The following ARHGEF12 variants were observed in gnomAD, a reference collection of about 807,000 sequenced individuals.
The protein encoded by ARHGEF12 is Rho guanine nucleotide exchange factor 12.
In ARHGEF12, 66 loss-of-function variants were observed where a neutral mutation model predicts 211.2. The ratio of observed to expected loss-of-function variants is 0.31; its 90% CI spans 0.26 to 0.38. ARHGEF12 has a LOEUF of 0.38. ARHGEF12 is among the 10% of genes least tolerant of loss of function. ARHGEF12 has a pLI of 1.00. For missense variants in ARHGEF12, 1,429 were observed against 1,869.5 expected (o/e 0.76, Z 4.34); for synonymous variants, 592 against 638.4 (o/e 0.93, Z 1.09).
chr11:120,441,845 C>G (rs374946774), intron 14 of ARHGEF12, 28 bp downstream of exon 14: 16 of 1,589,422 alleles, frequency 1.0e-5, no homozygotes, highest in Non-Finnish European at 1.4e-5. Context: ...CTAGCAGATT[C>G]AGAGTTCTTC....
At chr11:120,478,012 C>G in intron 36 of ARHGEF12, 144 bp from the exon 37 acceptor site, 1 of 635,532 alleles carries the variant, frequency 1.6e-6, no homozygotes, top group Non-Finnish European at 2.7e-6. Flanking sequence ...TAACACTGTT[C>G]TAAGTGATGT....
chr11:120,338,235 G>A (rs1942417344), intron 1 of ARHGEF12, among the ~76,000 whole-genome samples: 1 of 152,144 alleles, frequency 6.6e-6, no homozygotes, highest in Non-Finnish European at 1.5e-5. Flanking sequence ...ATTACACCGT[G>A]AAAAAATAGA....
intron 22 of ARHGEF12, among the ~76,000 whole-genome samples, chr11:120,455,823 A>G (rs989945755): frequency 3.3e-5 from 5 of 152,238 alleles, no homozygotes; most frequent in East Asian, 3.8e-4. Context: ...ATAGAATTAT[A>G]TAACTTTGAC....
intron 1 of ARHGEF12, among the ~76,000 whole-genome samples, chr11:120,402,280 C>T (rs922751129): frequency 1.3e-5 from 2 of 152,142 alleles, no homozygotes; most frequent in East Asian, 1.9e-4. Flanking sequence ...ATAGTTTCTG[C>T]ACTGATATTT....
intron 14 of ARHGEF12, 40 bp downstream of exon 14, chr11:120,441,857 G>C: frequency 6.4e-7 from 1 of 1,558,644 alleles, no homozygotes; most frequent in African/African-American, 1.4e-5. Context: ...GAGTTCTTCT[G>C]TTGATTCATG....
chr11:120,443,162 C>T (rs1945934905), intron 15 of ARHGEF12, among the ~76,000 whole-genome samples: 2 of 151,942 alleles, frequency 1.3e-5, no homozygotes, highest in African/African-American at 2.4e-5. Flanking sequence ...GCTGGGACTA[C>T]AGGTGTACAC....
rs1038256545 is a variant in ARHGEF12, at chr11:120,488,662, A to G, written c.*3585A>G. 3 of 221,142 alleles carry G rather than the reference A, an allele frequency of 1.4e-5. No homozygotes were observed. The highest frequency in any genetic ancestry group is 6.7e-5 in the African/African-American group (3 of 44,688). The allele number at this position is 221,142 out of a possible 1,614,324, so 13.7% of individuals were successfully genotyped here. ...ACTGCTAAGCAGATATATTCCAAAA[A>G]TGGTAACTGTCATGTGCACACTGTT... On this transcript the variant is annotated 3_prime_UTR_variant, in exon 41 of 41. Transcript: ENST00000397843.
chr11:120,371,921 T>C (rs1337585779), intron 1 of ARHGEF12, among the ~76,000 whole-genome samples: 1 of 152,240 alleles, frequency 6.6e-6, no homozygotes, highest in Non-Finnish European at 1.5e-5. Flanking sequence ...CTTTTTCAAA[T>C]GGTTTTTTGA....
intron 1 of ARHGEF12, among the ~76,000 whole-genome samples, chr11:120,394,718 A>G (rs1591538037): frequency 6.6e-6 from 1 of 152,016 alleles, no homozygotes; most frequent in East Asian, 1.9e-4. Flanking sequence ...TACTAATATC[A>G]TAAATGAAAG....
chr11:120,410,345 T>TA (rs1332757961), intron 4 of ARHGEF12: 2 of 151,704 alleles, frequency 1.3e-5, no homozygotes, highest in Non-Finnish European at 2.9e-5. Flanking sequence ...AAGAGAGGAA[T>TA]TACCTGGAGC....
At chr11:120,472,292 T>C (rs912674627) in intron 30 of ARHGEF12, among the ~76,000 whole-genome samples, 1 of 152,162 alleles carries the variant, frequency 6.6e-6, no homozygotes, top group African/African-American at 2.4e-5. Flanking sequence ...AGCATACTTA[T>C]ATATACATAT....
chr11:120,351,617 C>T (rs1942975343), intron 1 of ARHGEF12, among the ~76,000 whole-genome samples: 1 of 150,528 alleles, frequency 6.6e-6, no homozygotes, highest in African/African-American at 2.4e-5. Context: ...ATTATAGGCA[C>T]CCGCCACCAC....
At chr11:120,406,901 G>T (rs1356351152) in intron 2 of ARHGEF12, among the ~76,000 whole-genome samples, 2 of 152,106 alleles carry the variant, frequency 1.3e-5, no homozygotes, top group Non-Finnish European at 2.9e-5. Context: ...AATCCAAAAT[G>T]TTAAAATGTA....
At chr11:120,405,393 A>G (rs1944669141) in intron 1 of ARHGEF12, among the ~76,000 whole-genome samples, 1 of 152,068 alleles carries the variant, frequency 6.6e-6, no homozygotes, top group South Asian at 2.1e-4. Flanking sequence ...GTATTCATTT[A>G]AAAGAGAGAG....
intron 37 of ARHGEF12, among the ~76,000 whole-genome samples, chr11:120,478,954 T>A (rs986301780): frequency 1.3e-5 from 2 of 152,246 alleles, no homozygotes; most frequent in Non-Finnish European, 2.9e-5. Flanking sequence ...TTCATTAATC[T>A]AGTCAGAAAT....
intron 24 of ARHGEF12, 91 bp downstream of exon 24, chr11:120,457,847 C>A (rs779195287): frequency 2.3e-5 from 31 of 1,346,438 alleles, no homozygotes; most frequent in Non-Finnish European, 3.1e-5. Flanking sequence ...GGAAAAGAAA[C>A]CCTGTATACC....
At position 120,474,645 on chromosome 11, in the gene ARHGEF12, A is replaced by AT; in HGVS notation, c.3109+11dup. 6.3e-7 allele frequency: 1 copy of AT among 1,599,536 alleles called. No individual in the cohort carries two copies. The highest frequency in any genetic ancestry group is 8.5e-7 in the Non-Finnish European group (1 of 1,175,056). On this transcript the variant is annotated intron_variant, in intron 32 of 40. Transcript: ENST00000397843. Reference sequence around the variant, plus strand: ...AGAGATAAAACTATTGGTAGGTCTGATATTGTCTTTTAGTTTTGGGGAGAG... The same window carrying AT: ...AGAGATAAAACTATTGGTAGGTCTGATTATTGTCTTTTAGTTTTGGGGAGAG...
chr11:120,373,867 G>A (rs1943654839), intron 1 of ARHGEF12, among the ~76,000 whole-genome samples: 1 of 152,292 alleles, frequency 6.6e-6, no homozygotes, highest in South Asian at 2.1e-4. Context: ...GAGTGCAATG[G>A]CGCGATCTCG....
chr11:120,472,002 G>A (rs144467535), intron 30 of ARHGEF12, among the ~76,000 whole-genome samples: 126 of 152,212 alleles, frequency 8.3e-4, no homozygotes, highest in African/African-American at 2.9e-3. Context: ...CATCAGTAAG[G>A]CGTAATGAAA....
Sources: allele counts gnomAD v4.1 joint callset (sites outside exome capture counted in the v4.1 genomes callset), GRCh38; gene constraint gnomAD v4.1.1; transcripts MANE v1.5; gene names NCBI Gene and HGNC (gene_info 2026-07-23, HGNC 2026-07-21).